Variants in MALT1 observed in about 807,000 individuals in gnomAD.
The protein encoded by MALT1 is MALT1 paracaspase, also known as mucosa-associated lymphoid tissue lymphoma translocation protein 1.
In MALT1, 36 loss-of-function variants were observed where a neutral mutation model predicts 85.5. The observed-to-expected ratio is 0.42, with a 90% CI of 0.32 to 0.56. The LOEUF (loss-of-function observed/expected upper bound fraction) is 0.56, where lower values mean the gene tolerates loss of function less well. MALT1 is among the 20% of genes least tolerant of loss of function. MALT1 has a pLI of 0.10. For synonymous variants in MALT1, 359 were observed against 361.3 expected (o/e 0.99, Z 0.07); for missense variants, 716 against 981.6 (o/e 0.73, Z 3.62).
chr18:58,741,687 G>GT (rs1211952901), intron 13 of MALT1, 178 bp from the exon 14 acceptor site: 3 of 427,146 alleles, frequency 7.0e-6, no homozygotes, highest in South Asian at 7.3e-5. Context: ...ACACACATGA[G>GT]TAAAAATTAA....
At chr18:58,681,002 G>A (rs1024882715) in intron 1 of MALT1, among the ~76,000 whole-genome samples, 168 bp from the exon 2 acceptor site, 5 of 151,036 alleles carry the variant, frequency 3.3e-5, no homozygotes, top group East Asian at 1.9e-4. Flanking sequence ...GGAATTCCCC[G>A]TGATGAAAGA....
intron 12 of MALT1, 173 bp downstream of exon 12, chr18:58,734,554 G>A (rs1218538195): frequency 1.5e-5 from 9 of 584,330 alleles, no homozygotes; most frequent in East Asian, 2.8e-5. Flanking sequence ...CTTCTGAGTC[G>A]CTGGGATTAC....
chr18:58,721,174 G>A (rs914587225), intron 9 of MALT1, among the ~76,000 whole-genome samples: 5 of 152,254 alleles, frequency 3.3e-5, no homozygotes, highest in Non-Finnish European at 7.3e-5. Flanking sequence ...GAGGTCAGGA[G>A]TTCGAGACCA....
chr18:58,732,996 C>T (rs1422487424), intron 10 of MALT1, among the ~76,000 whole-genome samples: 2 of 151,920 alleles, frequency 1.3e-5, no homozygotes, highest in East Asian at 3.8e-4. Context: ...CAGCAATCTC[C>T]ACCTCCAAGG....
chr18:58,712,602 A>T (rs2054845765), intron 7 of MALT1, among the ~76,000 whole-genome samples: 1 of 152,174 alleles, frequency 6.6e-6, no homozygotes. Flanking sequence ...AGAAGGAATC[A>T]GTTCTAGTGT....
At chr18:58,711,995 G>A (rs968371482) in intron 7 of MALT1, among the ~76,000 whole-genome samples, 2 of 152,044 alleles carry the variant, frequency 1.3e-5, no homozygotes, top group African/African-American at 4.8e-5. Context: ...TCCTAATGTT[G>A]GAAACCTCTT....
At chr18:58,729,725 T>C (rs1461363448) in intron 10 of MALT1, among the ~76,000 whole-genome samples, 1 of 152,192 alleles carries the variant, frequency 6.6e-6, no homozygotes, top group East Asian at 1.9e-4. Context: ...AGGTTGAATA[T>C]CTCTAATCTG....
intron 6 of MALT1, 57 bp downstream of exon 6, chr18:58,710,129 C>A: frequency 9.7e-7 from 1 of 1,034,752 alleles, no homozygotes; most frequent in South Asian, 1.4e-5. Context: ...GCTATATAAA[C>A]TGCAACGTTT....
At chr18:58,672,974 C>G (rs2144289682) in intron 1 of MALT1, 1 of 152,306 alleles carries the variant, frequency 6.6e-6, no homozygotes, top group Admixed American at 6.5e-5. Flanking sequence ...TTCCCAGACC[C>G]CACTTAGAAC....
At chr18:58,743,401 C>T (rs1051007858) in intron 14 of MALT1, among the ~76,000 whole-genome samples, 1 of 152,124 alleles carries the variant, frequency 6.6e-6, no homozygotes. Flanking sequence ...TTCTCTAATA[C>T]ATATTTTTAG....
At chr18:58,718,307 C>T (rs1444327616) in intron 9 of MALT1, among the ~76,000 whole-genome samples, 1 of 152,194 alleles carries the variant, frequency 6.6e-6, no homozygotes, top group Non-Finnish European at 1.5e-5. Context: ...TTGAAGTTCA[C>T]TAAACATTTA....
intron 9 of MALT1, among the ~76,000 whole-genome samples, chr18:58,718,588 C>T (rs1307079274): frequency 2.0e-5 from 3 of 152,156 alleles, no homozygotes; most frequent in East Asian, 3.9e-4. Context: ...CCCCTGACAC[C>T]GTCCATGGAA....
chr18:58,702,343 C>T (rs1355828447), intron 4 of MALT1, among the ~76,000 whole-genome samples: 1 of 151,954 alleles, frequency 6.6e-6, no homozygotes, highest in Admixed American at 6.6e-5. Context: ...GGGATCACAC[C>T]AGTGCACTCC....
intron 1 of MALT1, among the ~76,000 whole-genome samples, chr18:58,675,098 C>G (rs1341660481): frequency 6.6e-6 from 1 of 152,216 alleles, no homozygotes; most frequent in African/African-American, 2.4e-5. Context: ...TGATTCCATT[C>G]AAGACTGACC....
chr18:58,747,226 T>C (rs1337119342), intron 16 of MALT1, among the ~76,000 whole-genome samples, 179 bp from the exon 17 acceptor site: 1 of 152,128 alleles, frequency 6.6e-6, no homozygotes, highest in Non-Finnish European at 1.5e-5. Context: ...AAAAGGAAGA[T>C]AATGATAGCT....
At chr18:58,707,437 T>TA (rs2054768633) in intron 4 of MALT1, among the ~76,000 whole-genome samples, 1 of 152,116 alleles carries the variant, frequency 6.6e-6, no homozygotes, top group Non-Finnish European at 1.5e-5. Context: ...AATTTTTTTT[T>TA]AATTATACTC....
intron 4 of MALT1, among the ~76,000 whole-genome samples, chr18:58,705,322 G>A (rs76231203): frequency 0.062 from 9,215 of 148,202 alleles, 396 homozygotes; most frequent in East Asian, 0.22. Context: ...GTGTGTGTGT[G>A]TATTTATTTT....
chr18:58,701,849 C>T (rs1345363972), intron 4 of MALT1, among the ~76,000 whole-genome samples: 5 of 152,180 alleles, frequency 3.3e-5, no homozygotes, highest in Admixed American at 2.0e-4. Context: ...GGGAAAGTCT[C>T]GGTCTTAATA....
At chr18:58,689,215 A>G (rs1159558868) in intron 2 of MALT1, among the ~76,000 whole-genome samples, 1 of 151,986 alleles carries the variant, frequency 6.6e-6, no homozygotes, top group Non-Finnish European at 1.5e-5. Context: ...TTTAAAAGGC[A>G]AGAAAACCTA....
Sources: allele counts gnomAD v4.1 joint callset (sites outside exome capture counted in the v4.1 genomes callset), GRCh38; gene constraint gnomAD v4.1.1; transcripts MANE v1.5; gene names NCBI Gene and HGNC (gene_info 2026-07-23, HGNC 2026-07-21).